Variants in LAS1L observed in about 807,000 individuals in gnomAD.
LAS1L encodes LAS1 like ribosome biogenesis factor.
A neutral mutation model predicts 57.3 loss-of-function variants in LAS1L; 5 were observed. That is an observed-to-expected ratio of 0.09 (90% CI 0.05 to 0.18). The LOEUF is 0.18. Among genes scored for constraint, LAS1L ranks in the 10% least tolerant of loss-of-function variants. The pLI is 1.00. For synonymous variants in LAS1L, 245 were observed against 231.7 expected (o/e 1.06, Z -0.52); for missense variants, 360 against 568.3 (o/e 0.63, Z 3.73).
chrX:65,520,876 T>C, intron 11 of LAS1L: 3 of 754,428 alleles, frequency 4.0e-6, no homozygotes, highest in Non-Finnish European at 4.7e-6. Context: ...GCTGCTCTTG[T>C]CACTCCCTCC....
Position 65,529,721 on chromosome X carries a change from T to C in LAS1L, c.672A>G (p.Glu224=), listed in dbSNP as rs778082999. The part of the protein sequence containing the change: ...DKNIVVDDIT[E]QKPEPQDDGK... ...CATCATCCTGAGGCTCTGGTTTCTG[T>C]TCTGTGATGTCATCAACAACAATGT... Residue 224 remains glutamate, a synonymous_variant, in exon 5 of 14, where the codon GAA becomes GAG. Coordinates refer to ENST00000374811, the MANE Select transcript of LAS1L (RefSeq NM_031206.7). The C allele has an allele frequency of 2.5e-6, 3 of 1,211,877 alleles. No individual in the cohort carries two copies. In the South Asian group the frequency reaches 5.3e-5, roughly 21 times the overall value.
At chrX:65,520,101 T>A (rs1449365725) in intron 11 of LAS1L, among the ~76,000 whole-genome samples, 1 of 111,696 alleles carries the variant, frequency 9.0e-6, no homozygotes, top group Non-Finnish European at 1.9e-5. Context: ...CTCGAACCAT[T>A]AGTCTGACCA....
intron 11 of LAS1L, chrX:65,521,611 G>A (rs2068852841): frequency 8.9e-6 from 1 of 112,263 alleles, no homozygotes; most frequent in African/African-American, 3.3e-5. Flanking sequence ...TCACAGTAAG[G>A]TGCCTGTGGG....
intron 11 of LAS1L, chrX:65,520,483 CTG>C (rs1467954899): frequency 2.2e-4 from 164 of 753,105 alleles, no homozygotes; most frequent in Non-Finnish European, 2.5e-4. Flanking sequence ...AAGCCAAGTT[CTG>C]TGTTTAACAG....
intron 7 of LAS1L, among the ~76,000 whole-genome samples, chrX:65,526,194 T>C (rs1245243011): frequency 1.8e-5 from 2 of 111,826 alleles, no homozygotes; most frequent in African/African-American, 6.5e-5. Context: ...TCATACAGGA[T>C]ACAGAAGCAT....
chrX:65,527,210 C>CAAAAAAAAAAAAAAAA (rs869258564), intron 7 of LAS1L, among the ~76,000 whole-genome samples: 4 of 11,002 alleles, frequency 3.6e-4, no homozygotes, highest in African/African-American at 7.0e-4. Flanking sequence ...AACTCTGTCT[C>CAAAAAAAAAAAAAAAA]AAAAAAAAAA....
At position 65,524,125 on chromosome X, in the gene LAS1L, T is replaced by C. The variant is rs2069001393; in HGVS notation, c.1231A>G (p.Ile411Val). ...RMLSELPALG[I>V]SGIRPTYILR... The stretch of plus-strand genomic sequence containing the variant: ...ATGTAGGTAGGCCGGATCCCGCTGA[T>C]CCCCAAGGCTGGCAGTTCAGAGAGC... The change falls in exon 10 of 14, where the codon ATC (isoleucine) becomes GTC (valine). Residue 411 changes from isoleucine (I) to valine (V), a missense_variant. Around this residue, in one of 7 missense-constraint regions of LAS1L, gnomAD observed 81 missense variants for 192.1 expected, o/e 0.42. Transcript: ENST00000374811. 1 of 1,210,901 alleles carries C rather than the reference T, an allele frequency of 8.3e-7. No homozygotes were observed. Among genetic ancestry groups the C allele is most frequent in the Non-Finnish European group, 1.1e-6 (1 of 895,120 alleles).
At chrX:65,528,928 G>T (rs1367984828) in intron 6 of LAS1L, among the ~76,000 whole-genome samples, 2 of 112,043 alleles carry the variant, frequency 1.8e-5, no homozygotes, top group African/African-American at 3.2e-5. Context: ...CGGAATTGCA[G>T]GGCTGCGCAA....
chrX:65,529,691 T>C lies in LAS1L; in HGVS notation c.702A>G (p.Lys234=). The part of the protein sequence containing the change: ...EQKPEPQDDG[K]STESDVKADG... Reference sequence around the variant, plus strand: ...CGGCCTTTACATCTGACTCCGTACTTTTCCCATCATCCTGAGGCTCTGGTT... The same window carrying C: ...CGGCCTTTACATCTGACTCCGTACTCTTCCCATCATCCTGAGGCTCTGGTT... The change falls in exon 5 of 14, where the codon AAA becomes AAG. Residue 234 remains lysine (K), a synonymous_variant. Coordinates refer to ENST00000374811, the MANE Select transcript of LAS1L (RefSeq NM_031206.7). The C allele has an allele frequency of 8.3e-7, 1 of 1,211,750 alleles. No individual in the cohort carries two copies. The highest frequency in any genetic ancestry group is 1.1e-6 in the Non-Finnish European group (1 of 895,434).
At position 65,518,425 on chromosome X, in the gene LAS1L, GCTC is replaced by G; in HGVS notation, c.1486_1488del (p.Glu496del). 1 of 1,209,323 alleles carries G rather than the reference GCTC, an allele frequency of 8.3e-7. No homozygotes were observed. The highest frequency in any genetic ancestry group is 1.1e-6 in the Non-Finnish European group (1 of 894,021). On this transcript the variant is annotated inframe_deletion, in exon 12 of 14. Coordinates refer to ENST00000374811, the MANE Select transcript of LAS1L (RefSeq NM_031206.7). Reference sequence around the variant, plus strand: ...GAACAGATGCGCAGCAGCTTCTCCTGCTCCTCGTCTGGCAGGCCCTGCCCCATG... The same window carrying G: ...GAACAGATGCGCAGCAGCTTCTCCTGCTCGTCTGGCAGGCCCTGCCCCATG...
At chrX:65,534,007 C>T (rs1196040496) in intron 1 of LAS1L, among the ~76,000 whole-genome samples, 1 of 111,619 alleles carries the variant, frequency 9.0e-6, no homozygotes, top group Non-Finnish European at 1.9e-5. Flanking sequence ...CTTTCACCCC[C>T]AAATCAACTC....
chrX:65,531,541 C>T (rs2069494599), intron 3 of LAS1L, 103 bp from the exon 4 acceptor site: 1 of 531,943 alleles, frequency 1.9e-6, no homozygotes, highest in African/African-American at 2.3e-5. Flanking sequence ...CCCCATTTTA[C>T]AACTAGAGAA....
rs779233197 is a variant in LAS1L, at chrX:65,529,702, C to G, written c.691G>C (p.Asp231His). 9 of 1,210,060 alleles carry G rather than the reference C, an allele frequency of 7.4e-6. No homozygotes were observed. The highest frequency in any genetic ancestry group is 1.0e-5 in the Non-Finnish European group (9 of 895,226). The stretch of plus-strand genomic sequence containing the variant: ...TCTGACTCCGTACTTTTCCCATCAT[C>G]CTGAGGCTCTGGTTTCTGTTCTGTG... The part of the protein sequence containing the change: ...DITEQKPEPQ[D>H]DGKSTESDVK... Residue 231 changes from aspartate (D) to histidine (H), a missense_variant, in exon 5 of 14, where the codon GAT (aspartate) becomes CAT (histidine). Physicochemically the swap from Asp to His is moderately conservative, Grantham distance 81. Transcript: ENST00000374811.
chrX:65,533,244 A>T (rs1474095138), intron 2 of LAS1L, among the ~76,000 whole-genome samples: 3 of 110,198 alleles, frequency 2.7e-5, no homozygotes, highest in Non-Finnish European at 5.7e-5. Flanking sequence ...GTCCACATTA[A>T]ATCACAGGCG....
intron 12 of LAS1L, 130 bp downstream of exon 12, chrX:65,517,857 C>G (rs968353990): frequency 4.7e-6 from 5 of 1,064,165 alleles, no homozygotes; most frequent in Admixed American, 3.9e-5. Flanking sequence ...ATCTATGCAC[C>G]AGGCTGCCTT....
chrX:65,524,290 G>T (rs776784036), intron 9 of LAS1L, 28 bp from the exon 10 acceptor site: 2 of 1,103,558 alleles, frequency 1.8e-6, no homozygotes, highest in Admixed American at 2.3e-5. Context: ...CCCATTTGGG[G>T]GGGCAATAGG....
At chrX:65,532,020 A>G (rs1358020693) in intron 3 of LAS1L, among the ~76,000 whole-genome samples, 1 of 112,380 alleles carries the variant, frequency 8.9e-6, no homozygotes, top group Admixed American at 9.4e-5. Context: ...GAGCATTAAC[A>G]ATCACGTTCT....
chrX:65,517,579 A>G (rs1406908038), intron 12 of LAS1L, among the ~76,000 whole-genome samples: 1 of 111,489 alleles, frequency 9.0e-6, no homozygotes, highest in African/African-American at 3.3e-5. Context: ...TAATACACAC[A>G]TCAAAATCTT....
chrX:65,518,003 T>G lies in LAS1L; in HGVS notation c.1911A>C (p.Ala637=). The part of the protein sequence containing the change: ...AQKRGALQGS[A]WQVSSEDVRW... The stretch of plus-strand genomic sequence containing the variant: ...AGTTCTTACCTGAGCTAACCTGCCA[T>G]GCAGAGCCCTGCAAAGCTCCTCTTT... Residue 637 remains alanine (A), a synonymous_variant, in exon 12 of 14, where the codon GCA becomes GCC. Coordinates refer to ENST00000374811, the MANE Select transcript of LAS1L (RefSeq NM_031206.7). The G allele has an allele frequency of 8.3e-7, 1 of 1,205,199 alleles. No individual in the cohort carries two copies. The highest frequency in any genetic ancestry group is 1.1e-6 in the Non-Finnish European group (1 of 892,708).
Sources: gnomAD v4.1 joint callset for allele counts (sites outside exome capture counted in the v4.1 genomes callset) on GRCh38, gnomAD v4.1.1 for gene constraint, gnomAD v4.1.1 regional missense constraint, MANE v1.5 for transcripts, NCBI Gene and HGNC (gene_info 2026-07-23, HGNC 2026-07-21) for gene names.